The following MSH6 variants were observed in gnomAD, a reference collection of about 807,000 sequenced individuals.
MSH6 encodes DNA mismatch repair protein Msh6.
In MSH6, 85 loss-of-function variants were observed where a neutral mutation model predicts 119.1. The ratio of observed to expected loss-of-function variants is 0.71; its 90% CI spans 0.60 to 0.85. MSH6 has a LOEUF of 0.85. Among genes scored for constraint, MSH6 ranks in the 40% least tolerant of loss-of-function variants. The pLI, the probability that MSH6 is intolerant of heterozygous loss-of-function variation, is 0.00. For synonymous variants in MSH6, 830 were observed against 586.9 expected (o/e 1.41, Z -5.99); for missense variants, 2,163 against 1,655.3 (o/e 1.31, Z -5.32).
chr2:47,803,590 A>G lies in MSH6; in HGVS notation c.3343A>G (p.Ile1115Val), dbSNP rs1572735738. Residue 1115 changes from isoleucine (I) to valine (V), a missense_variant, in exon 5 of 10, where the codon ATA (isoleucine) becomes GTA (valine). Physicochemically the swap from Ile to Val is conservative, Grantham distance 29 (BLOSUM62 3). Transcript: ENST00000234420. ...GDDFIPNDIL[I>V]GCEEEEQENG... ...TGATTTTATTCCTAATGACATTCTA[A>G]TAGGCTGTGAGGAAGAGGAGCAGGA... 6.2e-7 allele frequency: 1 copy of G among 1,614,142 alleles called. No homozygotes were observed. The highest frequency in any genetic ancestry group is 8.5e-7 in the Non-Finnish European group (1 of 1,180,028).
chr2:47,804,832 A>T (rs1473349045), intron 5 of MSH6, 78 bp from the exon 6 acceptor site: 2 of 1,072,842 alleles, frequency 1.9e-6, no homozygotes, highest in South Asian at 1.3e-5. Context: ...GCTCTTACGT[A>T]AGGGTTCATA....
At position 47,799,367 on chromosome 2, in the gene MSH6, C is replaced by T. The variant is rs876658726; in HGVS notation, c.1384C>T (p.Pro462Ser). 1 of 1,614,058 alleles carries T rather than the reference C, an allele frequency of 6.2e-7. No individual in the cohort carries two copies. The highest frequency in any genetic ancestry group is 1.1e-5 in the South Asian group (1 of 91,084). The change falls in exon 4 of 10, where the codon CCT becomes TCT. Residue 462 changes from proline to serine, a missense_variant. Physicochemically the swap from Pro to Ser is moderately conservative, Grantham distance 74 (BLOSUM62 -1). Coordinates refer to ENST00000234420, the MANE Select transcript of MSH6 (RefSeq NM_000179.3). ...MKGNWAHSGF[P>S]EIAFGRYSDS... The stretch of plus-strand genomic sequence containing the variant: ...AGGCAACTGGGCCCATTCTGGCTTT[C>T]CTGAAATTGCATTTGGCCGTTATTC...
chr2:47,806,215 G>A lies in MSH6; in HGVS notation c.3658G>A (p.Ala1220Thr), dbSNP rs769427505. 1.2e-6 allele frequency: 2 copies of A among 1,613,966 alleles called. No individual in the cohort carries two copies. The highest frequency in any genetic ancestry group is 2.2e-5 in the South Asian group (2 of 91,074). Residue 1220 changes from alanine (A) to threonine (T), a missense_variant, in exon 8 of 10, where the codon GCA becomes ACA. Transcript: ENST00000234420. ...TTTTACTTTAACAGGAAGAGGTACT[G>A]CAACATTTGATGGGACGGCAATAGC... ...VLVDELGRGT[A>T]TFDGTAIANA...
rs763060788 is a variant in MSH6 at position 47,798,639 on chromosome 2, G to C, written c.656G>C (p.Ser219Thr). The C allele has an allele frequency of 6.2e-7, 1 of 1,612,224 alleles. No homozygotes were observed. The change falls in exon 4 of 10, where the codon AGT becomes ACT. Residue 219 changes from serine (S) to threonine (T), a missense_variant. Ser to Thr is a moderately conservative substitution (Grantham distance 58). Coordinates refer to ENST00000234420, the MANE Select transcript of MSH6 (RefSeq NM_000179.3). Reference protein sequence around the residue: ...EVGTTYVTDKSEEDNEIESEE... With the variant: ...EVGTTYVTDKTEEDNEIESEE... ...GGCACAACTTACGTAACAGATAAGA[G>C]TGAAGAAGATAATGAAATTGAGAGT...
chr2:47,805,179 CTCTCTT>C (rs576841129), intron 6 of MSH6, 152 bp downstream of exon 6: 61 of 631,306 alleles, frequency 9.7e-5, no homozygotes, highest in South Asian at 8.3e-4. Flanking sequence ...CATAGTCTCT[CTCTCTT>C]TTTTTTTTTT....
chr2:47,800,024 C>G lies in MSH6; in HGVS notation c.2041C>G (p.Leu681Val), dbSNP rs1553413412. The G allele has an allele frequency of 6.2e-7, 1 of 1,614,088 alleles. No homozygotes were observed. Among genetic ancestry groups the G allele is most frequent in the Non-Finnish European group, 8.5e-7 (1 of 1,180,010 alleles). ...LTPGEKSELA[L>V]SALGGCVFYL... ...ACCAGGAGAGAAAAGTGAATTGGCC[C>G]TCTCTGCTCTAGGTGGTTGTGTCTT... Residue 681 changes from leucine to valine, a missense_variant, in exon 4 of 10, where the codon CTC (leucine) becomes GTC (valine). Transcript: ENST00000234420.
At chr2:47,808,289 A>T, downstream of MSH6, 1 of 1,612,682 alleles carries the variant, frequency 6.2e-7, no homozygotes. Flanking sequence ...AGTGAGGGGG[A>T]AAGTAATTGG....
intron 2 of MSH6, among the ~76,000 whole-genome samples, chr2:47,792,802 G>T (rs539696249): frequency 2.2e-4 from 34 of 151,278 alleles, no homozygotes; most frequent in African/African-American, 7.8e-4. Flanking sequence ...CTCAGTAACC[G>T]GGACTAGAGG....
At position 47,795,477 on chromosome 2, in the gene MSH6, TTTC is replaced by T. The variant is rs1418020028; in HGVS notation, c.458-416_458-414del. Among the ~76,000 whole-genome samples, 28 of 150,832 alleles carry T rather than the reference TTTC, an allele frequency of 1.9e-4. No individual in the cohort carries two copies. The East Asian group carries it at 5.5e-3, about 29-fold the overall frequency. ...ACATATATACATTTTTTTTTTTTTT[TTTC>T]ATCGAGACAGGGTCTTGCACTGTCG... On this transcript the variant is annotated intron_variant, in intron 2 of 9. Transcript: ENST00000234420.
rs1064795429 is a variant in MSH6 at position 47,803,562 on chromosome 2, AGAT to A, written c.3319_3321del (p.Asp1107del). ...CTTGCATTACGAAGACTTTTTTTGG[AGAT>A]GATTTTATTCCTAATGACATTCTAA... On this transcript the variant is annotated inframe_deletion, in exon 5 of 10. Coordinates refer to ENST00000234420, the MANE Select transcript of MSH6 (RefSeq NM_000179.3). 8.1e-6 allele frequency: 13 copies of A among 1,613,866 alleles called. No homozygotes were observed. The highest frequency in any genetic ancestry group is 1.1e-5 in the Non-Finnish European group (13 of 1,180,024).
Position 47,788,922 on chromosome 2 carries a change from G to GTTTTTTTTTTTTTTTTTTTTTT in MSH6, c.261-2001_261-1980dup, listed in dbSNP as rs1558650240. Among the ~76,000 whole-genome samples the GTTTTTTTTTTTTTTTTTTTTTT allele has an allele frequency of 5.6e-4, 23 of 40,950 alleles. 2 individuals carry two copies. The highest frequency in any genetic ancestry group is 3.6e-3 in the East Asian group (4 of 1,112). The allele number at this position is 40,950 out of a possible 152,430, so 26.9% of individuals were successfully genotyped here. A position where few individuals can be genotyped will look rare whatever the true frequency, so the allele number is the denominator to read the frequency against. On this transcript the variant is annotated intron_variant, in intron 1 of 9. Transcript: ENST00000234420. Reference sequence around the variant, plus strand: ...TTTCTTCTTCCTTTTTTTTTTTTTTGTTTTTTTTTTTTTTTTTTTTTTTTT... The same window carrying GTTTTTTTTTTTTTTTTTTTTTT: ...TTTCTTCTTCCTTTTTTTTTTTTTTGTTTTTTTTTTTTTTTTTTTTTTTTTTTTTTTTTTTTTTTTTTTTTTT...
chr2:47,803,824 G>T (rs1229627623), intron 5 of MSH6, 139 bp downstream of exon 5: 6 of 891,304 alleles, frequency 6.7e-6, no homozygotes, highest in Non-Finnish European at 1.1e-5. Flanking sequence ...ATTACTCCCT[G>T]TGTTATAAAA....
intron 1 of MSH6, among the ~76,000 whole-genome samples, chr2:47,789,913 C>T (rs3136274): frequency 0.054 from 8,268 of 152,056 alleles, 245 homozygotes; most frequent in Non-Finnish European, 0.068. Flanking sequence ...CCTTTAACCT[C>T]CCAGGCTCAA....
chr2:47,783,641 A>G, intron 1 of MSH6, 148 bp downstream of exon 1: 1 of 764,210 alleles, frequency 1.3e-6, no homozygotes, highest in East Asian at 3.3e-5. Context: ...GGCTTGAATG[A>G]GTGCAGGGGT....
chr2:47,803,132 G>A (rs1335660099), intron 4 of MSH6, among the ~76,000 whole-genome samples: 1 of 152,070 alleles, frequency 6.6e-6, no homozygotes, highest in African/African-American at 2.4e-5. Context: ...TGGTCAGGCT[G>A]GTCCTGAACT....
intron 6 of MSH6, among the ~76,000 whole-genome samples, chr2:47,805,373 G>T (rs1255512957): frequency 6.6e-6 from 1 of 152,084 alleles, no homozygotes; most frequent in Non-Finnish European, 1.5e-5. Flanking sequence ...TAGAAGCGGG[G>T]TTTCACCATG....
rs1064794746 is a variant in MSH6 at position 47,806,233 on chromosome 2, G to A, written c.3676G>A (p.Ala1226Thr). 6.2e-7 allele frequency: 1 copy of A among 1,613,978 alleles called. No homozygotes were observed. The highest frequency in any genetic ancestry group is 8.5e-7 in the Non-Finnish European group (1 of 1,179,914). Reference protein sequence around the residue: ...GRGTATFDGTAIANAVVKELA... With the variant: ...GRGTATFDGTTIANAVVKELA... ...AGGTACTGCAACATTTGATGGGACG[G>A]CAATAGCAAATGCAGTTGTTAAAGA... The change falls in exon 8 of 10, where the codon GCA (alanine) becomes ACA (threonine). Residue 1226 changes from alanine (A) to threonine (T), a missense_variant. Transcript: ENST00000234420.
chr2:47,797,083 G>T (rs1669142261), intron 3 of MSH6, among the ~76,000 whole-genome samples: 1 of 152,156 alleles, frequency 6.6e-6, no homozygotes, highest in African/African-American at 2.4e-5. Flanking sequence ...ACACAAATTT[G>T]TAAACTTTCT....
chr2:47,788,922 G>GTTTTTTTTTTTTTTTTTTTTT lies in MSH6; in HGVS notation c.261-2000_261-1980dup, dbSNP rs1558650240. 5.6e-4 allele frequency among the ~76,000 whole-genome samples: 23 copies of GTTTTTTTTTTTTTTTTTTTTT among 40,950 alleles called. 2 individuals are homozygous for GTTTTTTTTTTTTTTTTTTTTT. The highest frequency in any genetic ancestry group is 9.0e-4 in the East Asian group (1 of 1,114). The allele number at this position is 40,950 out of a possible 152,430, so 26.9% of individuals were successfully genotyped here. A position where few individuals can be genotyped will look rare whatever the true frequency, so the allele number is the denominator to read the frequency against. Reference sequence around the variant, plus strand: ...TTTCTTCTTCCTTTTTTTTTTTTTTGTTTTTTTTTTTTTTTTTTTTTTTTT... The same window carrying GTTTTTTTTTTTTTTTTTTTTT: ...TTTCTTCTTCCTTTTTTTTTTTTTTGTTTTTTTTTTTTTTTTTTTTTTTTTTTTTTTTTTTTTTTTTTTTTT... On this transcript the variant is annotated intron_variant, in intron 1 of 9. Transcript: ENST00000234420.
Sources: allele counts gnomAD v4.1 joint callset (sites outside exome capture counted in the v4.1 genomes callset), GRCh38; gene constraint gnomAD v4.1.1; transcripts MANE v1.5; gene names NCBI Gene and HGNC (gene_info 2026-07-23, HGNC 2026-07-21).